CPEB3: variants seen among roughly 807,000 people sequenced by gnomAD.
The protein encoded by CPEB3 is cytoplasmic polyadenylation element-binding protein 3.
CPEB3 carries 20 observed loss-of-function variants against 67.2 expected under a neutral mutation model. The observed-to-expected ratio is 0.30, with a 90% confidence interval of 0.21 to 0.43. CPEB3 has a LOEUF of 0.43. Among genes scored for constraint, CPEB3 ranks in the 20% least tolerant of loss-of-function variants. CPEB3 has a pLI of 1.00. For missense variants in CPEB3, 746 were observed against 968.6 expected, an observed-to-expected ratio of 0.77 and a Z score of 3.05; for synonymous variants, 376 against 393.1, an observed-to-expected ratio of 0.96 and a Z score of 0.51.
chr10:92,123,774 A>T (rs1343510905), intron 6 of CPEB3, among the ~76,000 whole-genome samples: 1 of 152,158 alleles, frequency 6.6e-6, no homozygotes, highest in Admixed American at 6.5e-5. Flanking sequence ...CATTCCTCTG[A>T]TCAGTTCTTA....
intron 1 of CPEB3, among the ~76,000 whole-genome samples, chr10:92,258,436 T>C (rs1852619227): frequency 6.6e-6 from 1 of 151,634 alleles, no homozygotes; most frequent in African/African-American, 2.4e-5. Context: ...TCATTCTTCT[T>C]CATCATACCA....
chr10:92,092,308 T>C (rs779677884), intron 7 of CPEB3, among the ~76,000 whole-genome samples: 7 of 152,200 alleles, frequency 4.6e-5, no homozygotes, highest in Admixed American at 4.6e-4. Context: ...AGTACACCAC[T>C]TTGTTTTAAG....
intron 7 of CPEB3, among the ~76,000 whole-genome samples, chr10:92,103,530 G>T (rs1459323840): frequency 2.0e-5 from 3 of 152,212 alleles, no homozygotes; most frequent in African/African-American, 7.2e-5. Flanking sequence ...CATGTTGTGT[G>T]CCTACAAGGC....
At chr10:92,162,576 C>G (rs1018868650) in intron 4 of CPEB3, among the ~76,000 whole-genome samples, 17 of 152,072 alleles carry the variant, frequency 1.1e-4, no homozygotes, top group African/African-American at 4.1e-4. Flanking sequence ...ATGCTTATTT[C>G]CAATCCATCA....
intron 1 of CPEB3, among the ~76,000 whole-genome samples, chr10:92,280,945 A>G (rs865788246): frequency 2.1e-4 from 31 of 151,148 alleles, no homozygotes; most frequent in Middle Eastern, 3.4e-3. Context: ...TTATTAGTAG[A>G]GACAGGGTTT....
chr10:92,221,839 G>A (rs1043147960), intron 2 of CPEB3, among the ~76,000 whole-genome samples: 1 of 152,230 alleles, frequency 6.6e-6, no homozygotes, highest in African/African-American at 2.4e-5. Flanking sequence ...GAGAGAGAGA[G>A]AGACATTGAT....
chr10:92,133,085 C>G (rs1288416074), intron 6 of CPEB3, among the ~76,000 whole-genome samples: 2 of 152,100 alleles, frequency 1.3e-5, no homozygotes, highest in Non-Finnish European at 1.5e-5. Flanking sequence ...AAAATCAACA[C>G]CCTAACATCA....
chr10:92,215,418 C>T (rs1850311285), intron 2 of CPEB3, among the ~76,000 whole-genome samples: 1 of 150,788 alleles, frequency 6.6e-6, no homozygotes, highest in Non-Finnish European at 1.5e-5. Flanking sequence ...TCCCAAAGTG[C>T]TGGGATTACA....
intron 6 of CPEB3, among the ~76,000 whole-genome samples, chr10:92,119,589 A>G (rs1845234196): frequency 6.6e-6 from 1 of 152,076 alleles, no homozygotes; most frequent in South Asian, 2.1e-4. Flanking sequence ...CTTAAAGGAC[A>G]ATTCTGTTCA....
chr10:92,070,726 A>G (rs2133126589), intron 9 of CPEB3, among the ~76,000 whole-genome samples: 1 of 152,178 alleles, frequency 6.6e-6, no homozygotes, highest in South Asian at 2.1e-4. Context: ...GCAGTGAGCC[A>G]AGATTGTGCC....
chr10:92,091,767 T>C (rs1466394480), intron 8 of CPEB3, 63 bp downstream of exon 8: 12 of 971,880 alleles, frequency 1.2e-5, no homozygotes, highest in Non-Finnish European at 1.6e-5. Context: ...TATTTAAGAC[T>C]AAAGGCATTG....
chr10:92,109,565 T>G (rs964160068), intron 7 of CPEB3, among the ~76,000 whole-genome samples: 12 of 152,104 alleles, frequency 7.9e-5, no homozygotes, highest in African/African-American at 1.9e-4. Context: ...TACAGATTTT[T>G]TGTGTGTGTG....
intron 7 of CPEB3, among the ~76,000 whole-genome samples, chr10:92,097,916 C>T (rs1224014157): frequency 1.3e-5 from 2 of 152,006 alleles, no homozygotes; most frequent in African/African-American, 4.8e-5. Context: ...AATCCCAGCA[C>T]TTTGGGAGGC....
chr10:92,223,499 C>T (rs186050374), intron 2 of CPEB3, among the ~76,000 whole-genome samples: 4,375 of 149,254 alleles, frequency 0.029, 123 homozygotes, highest in Non-Finnish European at 0.046. Context: ...ATTCTAGACT[C>T]CTCCTTCTCT....
intron 1 of CPEB3, among the ~76,000 whole-genome samples, chr10:92,258,742 A>T (rs1308622348): frequency 1.6e-5 from 2 of 125,064 alleles, no homozygotes; most frequent in Non-Finnish European, 3.3e-5. Context: ...TTTTATATAA[A>T]TTTTTTCTTT....
Position 92,240,368 on chromosome 10 carries a change from C to T in CPEB3, c.-11-7G>A. On this transcript the variant is annotated splice_polypyrimidine_tract_variant and splice_region_variant and intron_variant, in intron 1 of 9. Transcript: ENST00000265997. Reference sequence around the variant, plus strand: ...TCCTGCATGGTTTGCGCAGCTGAAACGGGAAAAAAGAGAGACGCGTTATTG... The same window carrying T: ...TCCTGCATGGTTTGCGCAGCTGAAATGGGAAAAAAGAGAGACGCGTTATTG... 7.0e-7 allele frequency: 1 copy of T among 1,435,486 alleles called. No homozygotes were observed. The highest frequency in any genetic ancestry group is 9.2e-7 in the Non-Finnish European group (1 of 1,089,890). 88.9% of individuals were successfully genotyped at this position (1,435,486 alleles called of 1,614,324 possible).
intron 2 of CPEB3, among the ~76,000 whole-genome samples, chr10:92,237,537 A>G (rs1030371185): frequency 5.9e-5 from 9 of 152,208 alleles, no homozygotes; most frequent in African/African-American, 2.2e-4. Flanking sequence ...CCTAATCCCC[A>G]TGCCAGGAGA....
intron 4 of CPEB3, among the ~76,000 whole-genome samples, chr10:92,178,698 A>G (rs1169074946): frequency 7.9e-5 from 12 of 152,228 alleles, no homozygotes; most frequent in African/African-American, 2.9e-4. Context: ...AAATACATAC[A>G]TATTTTAAAA....
intron 9 of CPEB3, among the ~76,000 whole-genome samples, chr10:92,075,676 T>C (rs1306674801): frequency 1.3e-5 from 2 of 152,090 alleles, no homozygotes; most frequent in Non-Finnish European, 1.5e-5. Flanking sequence ...ATAACAAAGA[T>C]AAATTAAATA....
Sources: gnomAD v4.1 joint callset for allele counts (sites outside exome capture counted in the v4.1 genomes callset) on GRCh38, gnomAD v4.1.1 for gene constraint, MANE v1.5 for transcripts, NCBI Gene and HGNC (gene_info 2026-07-23, HGNC 2026-07-21) for gene names.